Variants in DAB1 observed in about 807,000 individuals in gnomAD.
The protein encoded by DAB1 is DAB adaptor protein 1, also known as disabled homolog 1.
DAB1 carries 15 observed loss-of-function variants against 64.6 expected under a neutral mutation model. That is an observed-to-expected ratio of 0.23 (90% confidence interval 0.16 to 0.36). The LOEUF is 0.36. Ranked by LOEUF, DAB1 falls within the 10% of genes least tolerant of loss-of-function variation. The probability of loss-of-function intolerance (pLI) is 1.00; values close to 1 mark genes in which losing one functional copy is unlikely to be tolerated. For missense variants in DAB1, 596 were observed against 706.7 expected (o/e 0.84, Z 1.78); for synonymous variants, 235 against 251.9 (o/e 0.93, Z 0.64).
chr1:58,492,715 G>A (rs1017401536), intron 3 of DAB1, among the ~76,000 whole-genome samples: 2 of 152,162 alleles, frequency 1.3e-5, no homozygotes, highest in Non-Finnish European at 2.9e-5. Flanking sequence ...GACTAAACCA[G>A]GAAGAAGTTG....
At chr1:57,729,295 T>C (rs1647309698) in intron 6 of DAB1, among the ~76,000 whole-genome samples, 1 of 152,242 alleles carries the variant, frequency 6.6e-6, no homozygotes, top group Non-Finnish European at 1.5e-5. Context: ...CTGCCGTCCA[T>C]GCTGGCTACT....
intron 7 of DAB1, among the ~76,000 whole-genome samples, chr1:57,561,171 AG>A (rs1403249439): frequency 6.6e-6 from 1 of 152,122 alleles, no homozygotes; most frequent in African/African-American, 2.4e-5. Context: ...ACTCATGGGG[AG>A]TTCCCTATAA....
chr1:57,535,938 G>C (rs1644722247), intron 7 of DAB1, among the ~76,000 whole-genome samples: 1 of 152,126 alleles, frequency 6.6e-6, no homozygotes, highest in African/African-American at 2.4e-5. Context: ...GGGAATGAAA[G>C]GACTCAAGCT....
intron 6 of DAB1, among the ~76,000 whole-genome samples, chr1:57,716,865 AG>A (rs1647090126): frequency 6.6e-6 from 1 of 152,212 alleles, no homozygotes; most frequent in Admixed American, 6.5e-5. Context: ...AGAATTTATA[AG>A]GAACTTCAAC....
intron 4 of DAB1, among the ~76,000 whole-genome samples, chr1:58,238,808 A>G (rs896635554): frequency 2.0e-5 from 3 of 152,134 alleles, no homozygotes; most frequent in Admixed American, 6.5e-5. Flanking sequence ...TCACAGCATC[A>G]CTGTAGCCCC....
At position 57,062,624 on chromosome 1, in the gene DAB1, G is replaced by A. The variant is rs181334246; in HGVS notation, c.723+260C>T. Among the ~76,000 whole-genome samples the A allele has an allele frequency of 1.4e-4, 21 of 152,292 alleles. No homozygotes were observed. The East Asian group carries it at 3.9e-3, about 28-fold the overall frequency. ...TATGACCTTGAGGCCCTTAAACAGA[G>A]TAGTTCACGTGATTCAACTCACTCC... On this transcript the variant is annotated intron_variant, in intron 9 of 14. Coordinates refer to ENST00000371236, the MANE Select transcript of DAB1 (RefSeq NM_001365792.1).
intron 2 of DAB1, among the ~76,000 whole-genome samples, chr1:57,195,724 T>A (rs958102083): frequency 5.3e-5 from 8 of 152,220 alleles, no homozygotes; most frequent in Non-Finnish European, 7.3e-5. Flanking sequence ...CCACTATGCC[T>A]CAGCTTCAGT....
intron 6 of DAB1, among the ~76,000 whole-genome samples, chr1:57,724,838 GACTATCCCC>G (rs1351213024): frequency 4.6e-5 from 7 of 152,170 alleles, no homozygotes; most frequent in Non-Finnish European, 7.4e-5. Context: ...TCTGGAGGGT[GACTATCCCC>G]CACTCCTTAG....
intron 5 of DAB1, among the ~76,000 whole-genome samples, chr1:58,071,909 G>A (rs1189813809): frequency 6.6e-6 from 1 of 152,002 alleles, no homozygotes; most frequent in African/African-American, 2.4e-5. Context: ...TCTAGGCCTG[G>A]GGGATTCAAC....
At chr1:57,561,347 C>T (rs1227311567) in intron 7 of DAB1, among the ~76,000 whole-genome samples, 1 of 152,182 alleles carries the variant, frequency 6.6e-6, no homozygotes, top group African/African-American at 2.4e-5. Context: ...GAACTTTGAG[C>T]AGTGCACCTG....
At chr1:57,624,745 A>C (rs1645902516) in intron 7 of DAB1, among the ~76,000 whole-genome samples, 1 of 152,208 alleles carries the variant, frequency 6.6e-6, no homozygotes, top group African/African-American at 2.4e-5. Context: ...AAAACCTTCA[A>C]AATTAGAGTT....
At chr1:57,257,666 G>A (rs1476496655) in intron 2 of DAB1, among the ~76,000 whole-genome samples, 1 of 152,128 alleles carries the variant, frequency 6.6e-6, no homozygotes, top group Non-Finnish European at 1.5e-5. Flanking sequence ...ATTTTCTCAA[G>A]GTTTTGGAGG....
At chr1:58,370,645 G>A (rs1235070899) in intron 3 of DAB1, among the ~76,000 whole-genome samples, 1 of 152,162 alleles carries the variant, frequency 6.6e-6, no homozygotes, top group East Asian at 1.9e-4. Context: ...CAAATCTCAT[G>A]TCAAATTGTA....
At chr1:58,451,165 C>T (rs1296109368) in intron 3 of DAB1, among the ~76,000 whole-genome samples, 3 of 152,226 alleles carry the variant, frequency 2.0e-5, no homozygotes, top group Non-Finnish European at 2.9e-5. Context: ...TCACGACTCA[C>T]TGCAGCCTCA....
intron 1 of DAB1, among the ~76,000 whole-genome samples, chr1:57,411,750 C>T (rs1684131987): frequency 6.6e-6 from 1 of 152,236 alleles, no homozygotes; most frequent in Non-Finnish European, 1.5e-5. Flanking sequence ...CTTTTAAGCC[C>T]TCTGCACTAT....
intron 1 of DAB1, among the ~76,000 whole-genome samples, chr1:57,382,092 C>A (rs1480434280): frequency 6.6e-6 from 1 of 152,176 alleles, no homozygotes; most frequent in Non-Finnish European, 1.5e-5. Context: ...ATAAAGCTTT[C>A]ACCCTCCCTC....
In DAB1 at chr1:58,380,912, T is replaced by A. The variant is rs186086932; in HGVS notation, n.258-37509A>T. Among the ~76,000 whole-genome samples the A allele has an allele frequency of 2.0e-4, 31 of 152,100 alleles. 1 individual carries two copies. The East Asian group carries it at 5.4e-3, about 27-fold the overall frequency. ...AACCCAAATGCCCATCAATGATAGA[T>A]TGGATAAAGAAAATGTGGTACATAT... On this transcript the variant is annotated intron_variant and non_coding_transcript_variant, in intron 3 of 20. Coordinates refer to the DAB1 transcript ENST00000485760.
intron 7 of DAB1, among the ~76,000 whole-genome samples, chr1:57,567,163 C>A (rs904764154): frequency 5.9e-5 from 9 of 152,252 alleles, no homozygotes; most frequent in African/African-American, 1.9e-4. Context: ...TAAACAGAAC[C>A]AAAGACAAAA....
intron 6 of DAB1, among the ~76,000 whole-genome samples, chr1:57,778,825 TTTC>T (rs1649937010): frequency 6.6e-6 from 1 of 152,024 alleles, no homozygotes; most frequent in South Asian, 2.1e-4. Flanking sequence ...CTTCTTTTCA[TTTC>T]TTCTTTTCTG....
Sources: gnomAD v4.1 joint callset for allele counts (sites outside exome capture counted in the v4.1 genomes callset) on GRCh38, gnomAD v4.1.1 for gene constraint, MANE v1.5 for transcripts, NCBI Gene and HGNC (gene_info 2026-07-23, HGNC 2026-07-21) for gene names.